Variants in ABCA5 observed in about 807,000 individuals in gnomAD.
ABCA5 encodes the protein cholesterol transporter ABCA5.
ABCA5 carries 163 observed loss-of-function variants against 206.0 expected under a neutral mutation model. The observed-to-expected ratio is 0.79, with a 90% CI of 0.70 to 0.90. ABCA5 has a LOEUF of 0.90. Among genes scored for constraint, ABCA5 ranks in the 40% least tolerant of loss-of-function variants. The pLI is 0.00. For missense variants in ABCA5, 1,859 were observed against 1,912.9 expected, an observed-to-expected ratio of 0.97 and a Z score of 0.53; for synonymous variants, 609 against 613.8, an observed-to-expected ratio of 0.99 and a Z score of 0.11.
At chr17:69,322,817 T>G (rs1232064254) in intron 1 of ABCA5, among the ~76,000 whole-genome samples, 2 of 152,204 alleles carry the variant, frequency 1.3e-5, no homozygotes, top group Non-Finnish European at 2.9e-5. Flanking sequence ...GAGACCTGAT[T>G]AAAAACATAT....
chr17:69,288,640 G>A (rs1312580502), intron 14 of ABCA5, among the ~76,000 whole-genome samples: 2 of 151,516 alleles, frequency 1.3e-5, no homozygotes, highest in African/African-American at 2.4e-5. Context: ...AGGCAAAGGC[G>A]GGAGGATCGC....
intron 13 of ABCA5, 70 bp from the exon 14 acceptor site, chr17:69,289,366 T>C (rs1272733826): frequency 6.8e-6 from 8 of 1,174,830 alleles, no homozygotes; most frequent in Non-Finnish European, 7.8e-6. Context: ...AATATTACTT[T>C]TTAAATATTT....
intron 1 of ABCA5, among the ~76,000 whole-genome samples, chr17:69,316,695 CAT>C (rs2075819943): frequency 2.0e-5 from 3 of 148,980 alleles, no homozygotes; most frequent in Admixed American, 6.7e-5. Context: ...GCCCAGAAAA[CAT>C]AAAGAAAATC....
rs773924481 is a variant in ABCA5, at chr17:69,255,865, T to G, written c.3859-15A>C. On this transcript the variant is annotated splice_polypyrimidine_tract_variant and intron_variant, in intron 29 of 38. Coordinates refer to ENST00000392676, the MANE Select transcript of ABCA5 (RefSeq NM_172232.4). ...ATGGATGGTTTCTAATAAGAAAAAT[T>G]GTATTTAAAAAGAAAGTTATAAAAC... The G allele has an allele frequency of 5.9e-6, 9 of 1,521,470 alleles. No homozygotes were observed. In the African/African-American group the frequency reaches 1.1e-4, roughly 19 times the overall value. 94.2% of individuals were successfully genotyped at this position (1,521,470 alleles called of 1,614,324 possible).
intron 1 of ABCA5, among the ~76,000 whole-genome samples, chr17:69,321,826 T>C (rs1598213395): frequency 6.6e-6 from 1 of 152,202 alleles, no homozygotes; most frequent in African/African-American, 2.4e-5. Context: ...GCTAAGTTTG[T>C]TGTAGGGCTT....
intron 9 of ABCA5, among the ~76,000 whole-genome samples, chr17:69,298,608 T>C (rs1247169809): frequency 6.6e-6 from 1 of 151,944 alleles, no homozygotes; most frequent in Non-Finnish European, 1.5e-5. Flanking sequence ...GGACACCCTA[T>C]TTAACAAATG....
Position 69,310,532 on chromosome 17 carries a change from C to T in ABCA5, c.308-1109G>A, listed in dbSNP as rs566869115. Among the ~76,000 whole-genome samples, 9 of 152,230 alleles carry T rather than the reference C, an allele frequency of 5.9e-5. No individual in the cohort carries two copies. The South Asian group carries it at 1.9e-3, about 32-fold the overall frequency. On this transcript the variant is annotated intron_variant, in intron 3 of 38. Transcript: ENST00000392676. ...CAATCCTTCTCAGAAACTAAATAGGCATTTTAGTAACTATGACACAACTCC... is the reference window on the plus strand; with the variant it reads ...CAATCCTTCTCAGAAACTAAATAGGTATTTTAGTAACTATGACACAACTCC...
At chr17:69,251,650 T>C (rs1262509640) in intron 35 of ABCA5, 97 bp downstream of exon 35, 1 of 1,465,692 alleles carries the variant, frequency 6.8e-7, no homozygotes, top group Non-Finnish European at 9.1e-7. Flanking sequence ...ATATTTAACA[T>C]TTAAATTACT....
chr17:69,302,673 C>A, intron 8 of ABCA5, 45 bp downstream of exon 8: 1 of 1,338,914 alleles, frequency 7.5e-7, no homozygotes, highest in Non-Finnish European at 9.8e-7. Flanking sequence ...CTACATAAAA[C>A]AGAAAGAAAA....
At chr17:69,248,205 TC>T in intron 38 of ABCA5, 56 bp downstream of exon 38, 7 of 1,041,234 alleles carry the variant, frequency 6.7e-6, no homozygotes, top group Non-Finnish European at 1.0e-5. Context: ...ACCAAAACAA[TC>T]GATATCAGAT....
At chr17:69,265,049 C>A (rs552178621) in intron 23 of ABCA5, 144 bp from the exon 24 acceptor site, 659 of 471,086 alleles carry the variant, frequency 1.4e-3, no homozygotes, top group Non-Finnish European at 2.0e-3. Context: ...ATAAAAGTCC[C>A]CCTCACACTA....
intron 20 of ABCA5, 72 bp downstream of exon 20, chr17:69,273,887 C>T (rs2075301801): frequency 7.1e-7 from 1 of 1,406,470 alleles, no homozygotes; most frequent in Middle Eastern, 2.0e-4. Context: ...GTTTTAAAAT[C>T]CAGACCTTTA....
rs554616793 is a variant in ABCA5, at chr17:69,288,088, GAGA to G, written c.1903-340_1903-338del. Among the ~76,000 whole-genome samples the G allele has an allele frequency of 4.5e-3, 684 of 152,134 alleles. 5 individuals carry two copies. The highest frequency in any genetic ancestry group is 0.015 in the African/African-American group (642 of 41,546). ...TGTAGATGTAACACTTGCTTTTTTGGAGAAGAATATATGGTTTTATAGTAGTTC... is the reference window on the plus strand; with the variant it reads ...TGTAGATGTAACACTTGCTTTTTTGGAGAATATATGGTTTTATAGTAGTTC... On this transcript the variant is annotated intron_variant, in intron 14 of 38. Transcript: ENST00000392676.
chr17:69,272,811 C>T (rs2075287465), intron 20 of ABCA5, among the ~76,000 whole-genome samples: 1 of 152,116 alleles, frequency 6.6e-6, no homozygotes, highest in South Asian at 2.1e-4. Flanking sequence ...ATATAACACG[C>T]ACCAGATTTT....
At chr17:69,257,824 A>G (rs1251033088) in intron 28 of ABCA5, among the ~76,000 whole-genome samples, 1 of 152,100 alleles carries the variant, frequency 6.6e-6, no homozygotes, top group Non-Finnish European at 1.5e-5. Context: ...AAGAAAATTG[A>G]GCAATATTCC....
At chr17:69,312,166 AT>A (rs2075776858) in intron 3 of ABCA5, among the ~76,000 whole-genome samples, 1 of 152,216 alleles carries the variant, frequency 6.6e-6, no homozygotes, top group South Asian at 2.1e-4. Context: ...TTAATCATTA[AT>A]AGCATAAGAA....
At chr17:69,268,340 A>C (rs2075234736) in intron 22 of ABCA5, among the ~76,000 whole-genome samples, 1 of 152,118 alleles carries the variant, frequency 6.6e-6, no homozygotes, top group Non-Finnish European at 1.5e-5. Context: ...CAGGCATATA[A>C]ATTACGCTTC....
At position 69,247,620 on chromosome 17, in the gene ABCA5, G is replaced by T; in HGVS notation, c.4846C>A (p.Gln1616Lys). The change falls in exon 39 of 39, where the codon CAA becomes AAA. Residue 1616 changes from glutamine (Q) to lysine (K), a missense_variant. Gln to Lys is a moderately conservative substitution (Grantham distance 53, BLOSUM62 1). Coordinates refer to ENST00000392676, the MANE Select transcript of ABCA5 (RefSeq NM_172232.4). ...CCACAACTATTATCTTCCTCCTCTT[G>T]TTCTTTAGTGAGTTCTACAAAAACC... Reference protein sequence around the residue: ...EQVFVELTKEQEEEDNSCGTL... With the variant: ...EQVFVELTKEKEEEDNSCGTL... The T allele has an allele frequency of 5.0e-6, 8 of 1,608,980 alleles. No individual in the cohort carries two copies. Among genetic ancestry groups the T allele is most frequent in the Non-Finnish European group, 6.8e-6 (8 of 1,177,902 alleles).
intron 28 of ABCA5, among the ~76,000 whole-genome samples, chr17:69,257,481 A>G (rs1462874133): frequency 6.6e-6 from 1 of 152,154 alleles, no homozygotes; most frequent in Non-Finnish European, 1.5e-5. Flanking sequence ...TCTTATTGAA[A>G]ATAGTATCAA....
Sources: gnomAD v4.1 joint callset for allele counts (sites outside exome capture counted in the v4.1 genomes callset) on GRCh38, gnomAD v4.1.1 for gene constraint, MANE v1.5 for transcripts, NCBI Gene and HGNC (gene_info 2026-07-23, HGNC 2026-07-21) for gene names.